The following EGFR variants were observed in gnomAD, a reference collection of about 807,000 sequenced individuals.
The protein encoded by EGFR is avian erythroblastic leukemia viral (v-erb-b) oncogene homolog.
In EGFR, 58 loss-of-function variants were observed where a neutral mutation model predicts 143.0. That is an observed-to-expected ratio of 0.41 (90% confidence interval 0.33 to 0.50). The LOEUF (loss-of-function observed/expected upper bound fraction) is 0.50. Ranked by LOEUF, EGFR falls within the 20% of genes least tolerant of loss-of-function variation. EGFR has a pLI of 0.39. For missense variants in EGFR, 1,307 were observed against 1,579.0 expected (o/e 0.83, Z 2.92); for synonymous variants, 613 against 594.4 (o/e 1.03, Z -0.45).
intron 1 of EGFR, among the ~76,000 whole-genome samples, chr7:55,066,666 T>A (rs1207649496): frequency 2.6e-5 from 4 of 152,158 alleles, no homozygotes; most frequent in Non-Finnish European, 5.9e-5. Flanking sequence ...CCTTCCACCG[T>A]GCTGGGGTGG....
chr7:55,028,934 C>T (rs140336588), intron 1 of EGFR, among the ~76,000 whole-genome samples: 2,662 of 151,932 alleles, frequency 0.018, 65 homozygotes, highest in African/African-American at 0.059. Context: ...CCGAGGCGGG[C>T]GGATCACAAG....
rs772782043 is a variant in EGFR, at chr7:55,192,923, T to G, written c.2701+82T>G. The G allele has an allele frequency of 6.6e-5, 78 of 1,181,994 alleles. 1 individual carries two copies. Among genetic ancestry groups the G allele is most frequent in the Admixed American group, 2.9e-4 (17 of 58,676 alleles). 73.2% of individuals were successfully genotyped at this position (1,181,994 alleles called of 1,614,324 possible). A position where few individuals can be genotyped will look rare whatever the true frequency, so the allele number is the denominator to read the frequency against. ...GTTAGTTAATTTACATTATATCCTC[T>G]GACATGCAAGTATTTTCTTTCGAGA... On this transcript the variant is annotated intron_variant, in intron 22 of 27. Coordinates refer to ENST00000275493, the MANE Select transcript of EGFR (RefSeq NM_005228.5).
In EGFR at chr7:55,143,308, A is replaced by G. The variant is rs1309796320; in HGVS notation, c.244A>G (p.Ile82Val). The change falls in exon 3 of 28, where the codon ATC becomes GTC. Residue 82 changes from isoleucine (I) to valine (V), a missense_variant. Ile to Val is a conservative substitution (Grantham distance 29). Coordinates refer to ENST00000275493, the MANE Select transcript of EGFR (RefSeq NM_005228.5). Reference sequence around the variant, plus strand: ...CATTTATGTTTTCTCTTCTTAGACCATCCAGGAGGTGGCTGGTTATGTCCT... The same window carrying G: ...CATTTATGTTTTCTCTTCTTAGACCGTCCAGGAGGTGGCTGGTTATGTCCT... ...RNYDLSFLKT[I>V]QEVAGYVLIA... is the part of the protein sequence containing the mutation. 6.2e-6 allele frequency: 10 copies of G among 1,614,126 alleles called. No homozygotes were observed. Among genetic ancestry groups the G allele is most frequent in the Non-Finnish European group, 8.5e-6 (10 of 1,180,054 alleles).
chr7:55,131,316 T>C (rs991120494), intron 1 of EGFR, among the ~76,000 whole-genome samples: 2 of 151,884 alleles, frequency 1.3e-5, no homozygotes, highest in African/African-American at 2.4e-5. Context: ...TTCAAACACT[T>C]TATGACATGA....
Position 55,063,271 on chromosome 7 carries a change from TC to T in EGFR, c.88+43911del, listed in dbSNP as rs534862656. Among the ~76,000 whole-genome samples the T allele has an allele frequency of 7.4e-4, 113 of 152,262 alleles. 1 individual carries two copies. The highest frequency in any genetic ancestry group is 2.3e-3 in the African/African-American group (95 of 41,548). On this transcript the variant is annotated intron_variant, in intron 1 of 27. Coordinates refer to ENST00000275493, the MANE Select transcript of EGFR (RefSeq NM_005228.5). ...TTCTGCCTTTTGGCCAAGTTTTCTC[TC>T]CCCCGCATTTCCTCCTTGATCTCGT...
chr7:55,056,045 C>T (rs1316552279), intron 1 of EGFR, among the ~76,000 whole-genome samples: 1 of 152,130 alleles, frequency 6.6e-6, no homozygotes, highest in Non-Finnish European at 1.5e-5. Context: ...CGTTCCACAA[C>T]ACTTCACCAA....
intron 1 of EGFR, among the ~76,000 whole-genome samples, chr7:55,080,219 G>A (rs1032554088): frequency 2.0e-5 from 3 of 152,042 alleles, no homozygotes; most frequent in Non-Finnish European, 4.4e-5. Context: ...ATGTTCAGTG[G>A]CTCTGGCACC....
chr7:55,171,023 T>G (rs1014716308), intron 15 of EGFR, 152 bp from the exon 16 acceptor site: 13 of 1,491,010 alleles, frequency 8.7e-6, no homozygotes, highest in Non-Finnish European at 1.2e-5. Context: ...AATAAATAAT[T>G]AACCACCAAT....
intron 1 of EGFR, chr7:55,119,315 C>G (rs887329270): frequency 6.6e-6 from 1 of 152,210 alleles, no homozygotes; most frequent in Non-Finnish European, 1.5e-5. Context: ...ATGTCAGACT[C>G]TCCTGGTTTA....
chr7:55,107,992 A>G (rs574282701), intron 1 of EGFR, among the ~76,000 whole-genome samples: 3 of 152,320 alleles, frequency 2.0e-5, no homozygotes, highest in South Asian at 4.1e-4. Context: ...TCTGGCTCCT[A>G]TTGGATGCCT....
In EGFR at chr7:55,045,257, G is replaced by A. The variant is rs187872046; in HGVS notation, c.88+25892G>A. Among the ~76,000 whole-genome samples the A allele has an allele frequency of 1.3e-3, 201 of 152,230 alleles. 1 individual carries two copies. The highest frequency in any genetic ancestry group is 4.6e-3 in the African/African-American group (192 of 41,530). On this transcript the variant is annotated intron_variant, in intron 1 of 27. Coordinates refer to ENST00000275493, the MANE Select transcript of EGFR (RefSeq NM_005228.5). The stretch of plus-strand genomic sequence containing the variant: ...TATTAATCATATATTATGAGTTATT[G>A]CTCTCTCTTTATGTCTGTAATGCAG...
At position 55,116,208 on chromosome 7, in the gene EGFR, A is replaced by G. The variant is rs73696538; in HGVS notation, c.89-26078A>G. On this transcript the variant is annotated intron_variant, in intron 1 of 27. Coordinates refer to ENST00000275493, the MANE Select transcript of EGFR (RefSeq NM_005228.5). Reference sequence around the variant, plus strand: ...ATTTAAATAACTCTAATGTGCAAGTAGATCCCCTGACCTCAAGCTCAGAAG... The same window carrying G: ...ATTTAAATAACTCTAATGTGCAAGTGGATCCCCTGACCTCAAGCTCAGAAG... Among the ~76,000 whole-genome samples the G allele has an allele frequency of 8.4e-3, 1,284 of 152,334 alleles. 20 individuals carry two copies. Among genetic ancestry groups the G allele is most frequent in the African/African-American group, 0.029 (1,194 of 41,568 alleles).
At chr7:55,087,483 C>T (rs903116172) in intron 1 of EGFR, among the ~76,000 whole-genome samples, 1 of 151,990 alleles carries the variant, frequency 6.6e-6, no homozygotes, top group African/African-American at 2.4e-5. Context: ...TCTATGCACC[C>T]GAAGGGATAA....
intron 6 of EGFR, among the ~76,000 whole-genome samples, 188 bp downstream of exon 6, chr7:55,152,852 GA>G (rs1430237503): frequency 2.0e-5 from 3 of 152,178 alleles, no homozygotes; most frequent in Non-Finnish European, 4.4e-5. Context: ...GAGACCTTGG[GA>G]AAATGATGGG....
chr7:55,203,791 C>T (rs1787979920), intron 27 of EGFR, among the ~76,000 whole-genome samples: 1 of 148,236 alleles, frequency 6.7e-6, no homozygotes, highest in South Asian at 2.1e-4. Flanking sequence ...ATATACACAC[C>T]CACACCCCAC....
At chr7:55,152,228 C>G in intron 5 of EGFR, 1 of 506,804 alleles carries the variant, frequency 2.0e-6, no homozygotes, top group South Asian at 1.6e-5. Context: ...CTGTTAGGCC[C>G]TTCTAAACAC....
At chr7:55,098,775 T>G (rs768621748) in intron 1 of EGFR, among the ~76,000 whole-genome samples, 7 of 152,230 alleles carry the variant, frequency 4.6e-5, no homozygotes, top group Non-Finnish European at 1.0e-4. Context: ...GCCAGCCTTT[T>G]GTGATTCAAG....
intron 26 of EGFR, 58 bp from the exon 27 acceptor site, chr7:55,202,459 A>C (rs752625078): frequency 2.2e-4 from 323 of 1,451,008 alleles, no homozygotes; most frequent in Middle Eastern, 5.5e-4. Flanking sequence ...TGATTTTTGC[A>C]AACACTGAAG....
chr7:55,051,057 G>A (rs757383862), intron 1 of EGFR, among the ~76,000 whole-genome samples: 1 of 152,154 alleles, frequency 6.6e-6, no homozygotes, highest in African/African-American at 2.4e-5. Flanking sequence ...AATCCTGGTC[G>A]GCACCATGCT....
Sources: allele counts gnomAD v4.1 joint callset (sites outside exome capture counted in the v4.1 genomes callset), GRCh38; gene constraint gnomAD v4.1.1; transcripts MANE v1.5; gene names NCBI Gene and HGNC (gene_info 2026-07-23, HGNC 2026-07-21).